TNKS: variants seen among roughly 807,000 people sequenced by gnomAD.
TNKS encodes the protein poly [ADP-ribose] polymerase tankyrase-1.
In TNKS, 72 loss-of-function variants were observed where a neutral mutation model predicts 135.8. That is an observed-to-expected ratio of 0.53 (90% confidence interval 0.44 to 0.64). The LOEUF (loss-of-function observed/expected upper bound fraction) is 0.64. Ranked by LOEUF, TNKS falls within the 30% of genes least tolerant of loss-of-function variation. The pLI, the probability that TNKS is intolerant of heterozygous loss-of-function variation, is 0.00. For synonymous variants in TNKS, 849 were observed against 649.3 expected, an observed-to-expected ratio of 1.31 and a Z score of -4.68; for missense variants, 1,769 against 1,674.0, an observed-to-expected ratio of 1.06 and a Z score of -0.99.
intron 13 of TNKS, among the ~76,000 whole-genome samples, chr8:9,729,446 G>C (rs78479849): frequency 0.091 from 13,919 of 152,162 alleles, 755 homozygotes; most frequent in South Asian, 0.17. Flanking sequence ...TTATAGCCTA[G>C]AGCATGCTAT....
intron 3 of TNKS, among the ~76,000 whole-genome samples, chr8:9,642,030 A>T (rs1205316632): frequency 6.8e-6 from 1 of 146,418 alleles, no homozygotes; most frequent in Non-Finnish European, 1.5e-5. Context: ...TTGCTTCTTT[A>T]CAAGCTTGAT....
chr8:9,560,015 A>T (rs1797263567), intron 1 of TNKS, among the ~76,000 whole-genome samples: 1 of 152,172 alleles, frequency 6.6e-6, no homozygotes, highest in South Asian at 2.1e-4. Context: ...ATTGTTGACT[A>T]GAATTTATAT....
At chr8:9,626,159 C>G (rs1800045657) in intron 3 of TNKS, among the ~76,000 whole-genome samples, 1 of 152,040 alleles carries the variant, frequency 6.6e-6, no homozygotes, top group South Asian at 2.1e-4. Context: ...TATAAAAACT[C>G]TTTCATAATT....
chr8:9,707,984 T>G (rs977137053), intron 8 of TNKS, among the ~76,000 whole-genome samples: 5 of 152,224 alleles, frequency 3.3e-5, no homozygotes, highest in Admixed American at 1.3e-4. Context: ...CATGTACCAC[T>G]GTATACTTTC....
chr8:9,556,244 C>T lies in TNKS; in HGVS notation c.305C>T (p.Ala102Val). The change falls in exon 1 of 27, where the codon GCT (alanine) becomes GTT (valine). Residue 102 changes from alanine to valine, a missense_variant. Physicochemically the swap from Ala to Val is moderately conservative, Grantham distance 64. Transcript: ENST00000310430. ...AGCACAATCTGTACCGTCGCCGCCGCTCCCGTGGTCCCAGCGGTTTCTACT... is the reference window on the plus strand; with the variant it reads ...AGCACAATCTGTACCGTCGCCGCCGTTCCCGTGGTCCCAGCGGTTTCTACT... ...TTSTICTVAA[A>V]PVVPAVSTSS... is the part of the protein sequence containing the mutation. 1 of 1,614,248 alleles carries T rather than the reference C, an allele frequency of 6.2e-7. No individual in the cohort carries two copies.
chr8:9,562,258 G>A (rs2129049529), intron 1 of TNKS, among the ~76,000 whole-genome samples: 1 of 152,126 alleles, frequency 6.6e-6, no homozygotes, highest in Non-Finnish European at 1.5e-5. Context: ...TGGGATAAAT[G>A]TGCTAATATT....
At chr8:9,727,948 T>G (rs1286987335) in intron 13 of TNKS, among the ~76,000 whole-genome samples, 1 of 152,220 alleles carries the variant, frequency 6.6e-6, no homozygotes, top group African/African-American at 2.4e-5. Context: ...GCTTCATCAC[T>G]TGAAATGTAT....
intron 2 of TNKS, among the ~76,000 whole-genome samples, chr8:9,581,203 G>C (rs1585193258): frequency 1.3e-5 from 2 of 152,226 alleles, no homozygotes; most frequent in East Asian, 3.9e-4. Flanking sequence ...TATAGTGGTG[G>C]TGCTTAGTAA....
intron 3 of TNKS, among the ~76,000 whole-genome samples, chr8:9,675,375 TAA>T (rs1287272215): frequency 2.0e-5 from 3 of 152,212 alleles, no homozygotes; most frequent in Non-Finnish European, 2.9e-5. Flanking sequence ...CTCTGGAATA[TAA>T]GAGTCCCCAC....
Position 9,771,197 on chromosome 8 carries a change from G to A in TNKS, c.3897+935G>A, listed in dbSNP as rs564318608. ...GGGAGAGAAGAGAGGAAGGAAGGAAGTGAGGGAGGAAGAGAGAGAGGAAGG... is the reference window on the plus strand; with the variant it reads ...GGGAGAGAAGAGAGGAAGGAAGGAAATGAGGGAGGAAGAGAGAGAGGAAGG... On this transcript the variant is annotated intron_variant, in intron 26 of 26. Coordinates refer to ENST00000310430, the MANE Select transcript of TNKS (RefSeq NM_003747.3). Among the ~76,000 whole-genome samples, 20 of 146,974 alleles carry A rather than the reference G, an allele frequency of 1.4e-4. No homozygotes were observed. The South Asian group carries it at 4.0e-3, about 30-fold the overall frequency.
At chr8:9,662,803 G>C (rs996998602) in intron 3 of TNKS, among the ~76,000 whole-genome samples, 1 of 152,168 alleles carries the variant, frequency 6.6e-6, no homozygotes, top group African/African-American at 2.4e-5. Context: ...AGCAGTATTT[G>C]AGAGGCATCA....
At chr8:9,655,504 A>C (rs1028368349) in intron 3 of TNKS, among the ~76,000 whole-genome samples, 8 of 152,184 alleles carry the variant, frequency 5.3e-5, no homozygotes, top group African/African-American at 1.9e-4. Context: ...GTAGGGGCGC[A>C]CTGACACTTC....
In TNKS at chr8:9,577,892, A is replaced by G. The variant is rs188870912; in HGVS notation, c.674-2267A>G. Among the ~76,000 whole-genome samples, 241 of 152,326 alleles carry G rather than the reference A, an allele frequency of 1.6e-3. 1 individual carries two copies. Among genetic ancestry groups the G allele is most frequent in the African/African-American group, 5.5e-3 (230 of 41,578 alleles). On this transcript the variant is annotated intron_variant, in intron 1 of 26. Transcript: ENST00000310430. Reference sequence around the variant, plus strand: ...CCCTTCTGCCTGTAAAATCAAAGCCAGTTAGTTAGTTACAAGATACAGTGG... The same window carrying G: ...CCCTTCTGCCTGTAAAATCAAAGCCGGTTAGTTAGTTACAAGATACAGTGG...
intron 19 of TNKS, among the ~76,000 whole-genome samples, chr8:9,752,259 ATAT>A (rs998279061): frequency 1.1e-4 from 17 of 152,122 alleles, no homozygotes; most frequent in East Asian, 7.7e-4. Context: ...AATTAGTATA[ATAT>A]TCTCTATATT....
In TNKS at chr8:9,704,753, A is replaced by G; in HGVS notation, c.1198A>G (p.Lys400Glu). 6.2e-7 allele frequency: 1 copy of G among 1,612,700 alleles called. No homozygotes were observed. The highest frequency in any genetic ancestry group is 8.5e-7 in the Non-Finnish European group (1 of 1,178,966). The change falls in exon 6 of 27, where the codon AAA becomes GAA. Residue 400 changes from lysine (K) to glutamate (E), a missense_variant. This residue lies in a region of TNKS where 523 missense variants were observed against 541.0 expected (regional missense o/e 0.97). Transcript: ENST00000310430. ...QHGADVHAKDKGGLVPLHNAC... is the reference protein window; with the variant it reads ...QHGADVHAKDEGGLVPLHNAC... ...TGGTGCTGATGTTCATGCAAAAGAC[A>G]AAGGGTAGGTCTATCAGTTTACTTC...
chr8:9,770,934 G>A (rs1161780777), intron 26 of TNKS, among the ~76,000 whole-genome samples: 4 of 151,962 alleles, frequency 2.6e-5, no homozygotes, highest in African/African-American at 9.7e-5. Context: ...GATTTGAGGA[G>A]CCAAAATTCT....
At chr8:9,587,951 A>G (rs1157369409) in intron 2 of TNKS, among the ~76,000 whole-genome samples, 5 of 152,336 alleles carry the variant, frequency 3.3e-5, no homozygotes, top group Non-Finnish European at 7.4e-5. Context: ...GGAAATGCTT[A>G]AAGATTTGGT....
In TNKS at chr8:9,771,583, GAA is replaced by G. The variant is rs375734036; in HGVS notation, c.3897+1323_3897+1324del. 4.5e-5 allele frequency among the ~76,000 whole-genome samples: 6 copies of G among 134,674 alleles called. No homozygotes were observed. In the East Asian group the frequency reaches 1.0e-3, roughly 23 times the overall value. The allele number at this position is 134,674 out of a possible 152,430, so 88.4% of individuals were successfully genotyped here. On this transcript the variant is annotated intron_variant, in intron 26 of 26. Coordinates refer to ENST00000310430, the MANE Select transcript of TNKS (RefSeq NM_003747.3). Reference sequence around the variant, plus strand: ...AGAAAGCGAGAGAGGAAGGAAGAGAGAAAGGGAGAGGAAAGAAAGAAGGGAGG... The same window carrying G: ...AGAAAGCGAGAGAGGAAGGAAGAGAGAGGGAGAGGAAAGAAAGAAGGGAGG...
At chr8:9,662,311 C>T (rs1307554136) in intron 3 of TNKS, among the ~76,000 whole-genome samples, 2 of 152,140 alleles carry the variant, frequency 1.3e-5, no homozygotes, top group African/African-American at 4.8e-5. Flanking sequence ...TTTATTGCGG[C>T]ACTATTCACA....
Sources: allele counts gnomAD v4.1 joint callset (sites outside exome capture counted in the v4.1 genomes callset), GRCh38; gene constraint gnomAD v4.1.1; regional missense constraint gnomAD v4.1.1; transcripts MANE v1.5; gene names NCBI Gene and HGNC (gene_info 2026-07-23, HGNC 2026-07-21).